The following IRGM variants were observed in gnomAD, a reference collection of about 807,000 sequenced individuals.
The protein encoded by IRGM is immunity-related GTPase family M protein.
For synonymous variants in IRGM, 98 were observed against 80.6 expected, an observed-to-expected ratio of 1.22 and a Z score of -1.16; for missense variants, 288 against 219.9, an observed-to-expected ratio of 1.31 and a Z score of -1.96.
intron 3 of IRGM, among the ~76,000 whole-genome samples, chr5:150,880,328 T>A (rs1052267223): frequency 6.6e-6 from 1 of 152,208 alleles, no homozygotes; most frequent in African/African-American, 2.4e-5. Flanking sequence ...TGTGGGTATA[T>A]CTGCAAAAAC....
intron 3 of IRGM, chr5:150,896,137 G>A (rs749612793): frequency 2.5e-6 from 4 of 1,613,304 alleles, no homozygotes; most frequent in South Asian, 1.1e-5. Context: ...TGTATAATGA[G>A]GGGTGATTTC....
At chr5:150,883,316 A>G (rs187040653) in intron 3 of IRGM, among the ~76,000 whole-genome samples, 1 of 152,128 alleles carries the variant, frequency 6.6e-6, no homozygotes, top group African/African-American at 2.4e-5. Context: ...AAAGATCTCA[A>G]AAAAACAACG....
chr5:150,882,529 A>T (rs188318685), intron 3 of IRGM, among the ~76,000 whole-genome samples: 3 of 152,302 alleles, frequency 2.0e-5, no homozygotes, highest in Admixed American at 1.3e-4. Flanking sequence ...AAGGATGAAA[A>T]AAGATAAACC....
rs1367330415 is a variant in IRGM, at chr5:150,848,102, G to C, written c.-22G>C. 9 of 1,525,046 alleles carry C rather than the reference G, an allele frequency of 5.9e-6. No individual in the cohort carries two copies. The highest frequency in any genetic ancestry group is 1.7e-4 in the Middle Eastern group (1 of 5,852). The allele number at this position is 1,525,046 out of a possible 1,614,324, so 94.5% of individuals were successfully genotyped here. A position where few individuals can be genotyped will look rare whatever the true frequency, so the allele number is the denominator to read the frequency against. On this transcript the variant is annotated 5_prime_UTR_variant, in exon 2 of 2. Transcript: ENST00000522154. Reference sequence around the variant, plus strand: ...AGGCATGAGCCACGGCGCCTGGCCAGCATTGGGGTATTTTATTGAAGATGG... The same window carrying C: ...AGGCATGAGCCACGGCGCCTGGCCACCATTGGGGTATTTTATTGAAGATGG...
intron 1 of IRGM, among the ~76,000 whole-genome samples, chr5:150,863,139 TC>T (rs1754159984): frequency 6.6e-6 from 1 of 152,224 alleles, no homozygotes; most frequent in African/African-American, 2.4e-5. Context: ...TTTGTGTCTG[TC>T]AAATTTAGAA....
Position 150,896,292 on chromosome 5 carries a change from T to C in IRGM, c.*141-4297T>C, listed in dbSNP as rs576694189. The C allele has an allele frequency of 9.9e-6, 16 of 1,613,734 alleles. No individual in the cohort carries two copies. In the African/African-American group the frequency reaches 2.1e-4, roughly 22 times the overall value. ...AGGTTTCTCCCCAGTATGAGTTCTC[T>C]GATGTACAACAAGATGAAACTTCTC... On this transcript the variant is annotated intron_variant and NMD_transcript_variant, in intron 3 of 3. Coordinates refer to the IRGM transcript ENST00000520549.
chr5:150,852,322 G>T (rs761634636), downstream of IRGM, among the ~76,000 whole-genome samples: 3 of 152,080 alleles, frequency 2.0e-5, no homozygotes, highest in Non-Finnish European at 2.9e-5. Flanking sequence ...AGTTCTTAAA[G>T]ATTTCTTATT....
At chr5:150,853,723 C>A (rs937344283) in intron 1 of IRGM, among the ~76,000 whole-genome samples, 2 of 152,030 alleles carry the variant, frequency 1.3e-5, no homozygotes, top group Non-Finnish European at 2.9e-5. Flanking sequence ...AGTATAGCCA[C>A]CCCTGCTCTC....
At chr5:150,901,320 C>T (rs1322736529), downstream of IRGM, among the ~76,000 whole-genome samples, 4 of 152,160 alleles carry the variant, frequency 2.6e-5, no homozygotes, top group South Asian at 2.1e-4. Context: ...TACATTTATT[C>T]CCATATATTA....
chr5:150,848,757 C>T, downstream of IRGM: 2 of 924,686 alleles, frequency 2.2e-6, no homozygotes, highest in Non-Finnish European at 1.6e-6. Context: ...ACACCTGGTG[C>T]AGAAGGGTAT....
At chr5:150,886,072 G>T (rs2113294400) in intron 3 of IRGM, among the ~76,000 whole-genome samples, 1 of 152,154 alleles carries the variant, frequency 6.6e-6, no homozygotes, top group South Asian at 2.1e-4. Flanking sequence ...TTTGAGGTAT[G>T]TTTCTTCAAT....
intron 3 of IRGM, among the ~76,000 whole-genome samples, chr5:150,887,289 C>T (rs1754539507): frequency 6.6e-6 from 1 of 151,834 alleles, no homozygotes; most frequent in South Asian, 2.1e-4. Flanking sequence ...AAGAATTTCA[C>T]AATGCAATCA....
intron 1 of IRGM, among the ~76,000 whole-genome samples, chr5:150,875,378 G>C (rs1166696897): frequency 6.6e-6 from 1 of 152,192 alleles, no homozygotes; most frequent in Non-Finnish European, 1.5e-5. Context: ...ATGGCCAGAC[G>C]TGAAATTATA....
At chr5:150,856,926 T>A (rs1364049084) in intron 1 of IRGM, among the ~76,000 whole-genome samples, 29 of 146,964 alleles carry the variant, frequency 2.0e-4, no homozygotes, top group African/African-American at 7.4e-4. Context: ...TATTATTTAT[T>A]ATTTATTATT....
chr5:150,854,491 G>A (rs1468881278), intron 1 of IRGM, among the ~76,000 whole-genome samples: 5 of 152,090 alleles, frequency 3.3e-5, no homozygotes, highest in Admixed American at 3.3e-4. Context: ...TTATAGTGGA[G>A]GACTAGTAGT....
At chr5:150,889,559 CT>C (rs35758914) in intron 3 of IRGM, among the ~76,000 whole-genome samples, 2 of 151,954 alleles carry the variant, frequency 1.3e-5, no homozygotes, top group Non-Finnish European at 2.9e-5. Context: ...AGTTTTACTT[CT>C]TTTTTTCCAA....
At chr5:150,872,669 T>G (rs1201358583) in intron 1 of IRGM, among the ~76,000 whole-genome samples, 1 of 152,218 alleles carries the variant, frequency 6.6e-6, no homozygotes, top group African/African-American at 2.4e-5. Flanking sequence ...GGATTATGCA[T>G]TTAATGTTGC....
intron 3 of IRGM, chr5:150,895,517 T>C: frequency 1.9e-6 from 3 of 1,613,598 alleles, no homozygotes; most frequent in Non-Finnish European, 2.5e-6. Context: ...GATAGGGTCT[T>C]TCCCCAGTAT....
At chr5:150,857,679 G>A (rs1754077499) in intron 1 of IRGM, among the ~76,000 whole-genome samples, 1 of 152,148 alleles carries the variant, frequency 6.6e-6, no homozygotes, top group South Asian at 2.1e-4. Flanking sequence ...CTGATGGCCA[G>A]TGATGGTGAG....
Sources: allele counts gnomAD v4.1 joint callset (sites outside exome capture counted in the v4.1 genomes callset), GRCh38; gene constraint gnomAD v4.1.1; transcripts MANE v1.5; gene names NCBI Gene and HGNC (gene_info 2026-07-23, HGNC 2026-07-21).